The following KDM5A variants were observed in gnomAD, a reference collection of about 807,000 sequenced individuals.
KDM5A encodes the protein lysine-specific demethylase 5A.
In KDM5A, 42 loss-of-function variants were observed where a neutral mutation model predicts 193.5. The ratio of observed to expected loss-of-function variants is 0.22; its 90% confidence interval spans 0.17 to 0.28. KDM5A has a LOEUF of 0.28. Among genes scored for constraint, KDM5A ranks in the 10% least tolerant of loss-of-function variants. The pLI, the probability that KDM5A is intolerant of heterozygous loss-of-function variation, is 1.00. For synonymous variants in KDM5A, 796 were observed against 718.1 expected, an observed-to-expected ratio of 1.11 and a Z score of -1.73; for missense variants, 1,692 against 2,055.1, an observed-to-expected ratio of 0.82 and a Z score of 3.42.
intron 24 of KDM5A, among the ~76,000 whole-genome samples, chr12:297,470 C>G (rs139559074): frequency 4.6e-4 from 70 of 152,258 alleles, no homozygotes; most frequent in African/African-American, 1.5e-3. Flanking sequence ...CAGTAAATAA[C>G]TGGAGAAACT....
chr12:293,238 T>C (rs747527850), intron 26 of KDM5A, 69 bp from the exon 27 acceptor site: 8 of 1,326,060 alleles, frequency 6.0e-6, no homozygotes, highest in South Asian at 4.9e-5. Flanking sequence ...CTCTCTTATA[T>C]GAGGTACCTA....
intron 18 of KDM5A, 60 bp from the exon 19 acceptor site, chr12:318,521 T>A: frequency 7.8e-7 from 1 of 1,285,850 alleles, no homozygotes; most frequent in South Asian, 1.2e-5. Flanking sequence ...CAAAAGAGTA[T>A]GAAATAGACA....
Position 323,825 on chromosome 12 carries a change from T to C in KDM5A, c.1969-44A>G, listed in dbSNP as rs545569915. ...CACTAGATCAAGTCTTTCTAGTCTT[T>C]AAAGCATCAAAAAACTTAAGTTACT... On this transcript the variant is annotated intron_variant, in intron 14 of 27. Coordinates refer to ENST00000399788, the MANE Select transcript of KDM5A (RefSeq NM_001042603.3). 6 of 1,530,644 alleles carry C rather than the reference T, an allele frequency of 3.9e-6. No individual in the cohort carries two copies. In the South Asian group the frequency reaches 5.6e-5, roughly 14 times the overall value. The allele number at this position is 1,530,644 out of a possible 1,614,324, so 94.8% of individuals were successfully genotyped here.
intron 10 of KDM5A, among the ~76,000 whole-genome samples, chr12:336,365 A>C (rs1341520240): frequency 1.3e-5 from 2 of 151,850 alleles, no homozygotes; most frequent in Non-Finnish European, 2.9e-5. Context: ...CACTAAAAAA[A>C]AAAAAAAAAA....
chr12:298,664 C>T (rs374233324), intron 24 of KDM5A, among the ~76,000 whole-genome samples: 1 of 152,046 alleles, frequency 6.6e-6, no homozygotes, highest in Non-Finnish European at 1.5e-5. Context: ...CAAATCTCCT[C>T]GCCAGCAAAG....
intron 27 of KDM5A, among the ~76,000 whole-genome samples, chr12:291,931 T>A (rs996275437): frequency 6.6e-5 from 10 of 151,468 alleles, no homozygotes; most frequent in African/African-American, 2.4e-4. Context: ...AGACAGAGTT[T>A]TGCTCTTGTG....
intron 13 of KDM5A, 100 bp from the exon 14 acceptor site, chr12:329,129 C>T: frequency 1.1e-6 from 1 of 932,462 alleles, no homozygotes; most frequent in Non-Finnish European, 1.7e-6. Context: ...AGAAAGAAGA[C>T]AGAATACCAA....
At chr12:316,859 G>T (rs1240437324) in intron 19 of KDM5A, among the ~76,000 whole-genome samples, 12 of 152,190 alleles carry the variant, frequency 7.9e-5, no homozygotes, top group Admixed American at 7.9e-4. Context: ...TTACCAAAAT[G>T]CATCCAAAGT....
At chr12:366,693 A>C (rs1220491139) in intron 3 of KDM5A, among the ~76,000 whole-genome samples, 4 of 151,754 alleles carry the variant, frequency 2.6e-5, no homozygotes, top group Non-Finnish European at 5.9e-5. Context: ...AGAATATATT[A>C]AGGTAGAAAA....
intron 3 of KDM5A, among the ~76,000 whole-genome samples, chr12:374,615 TATG>T (rs1271523959): frequency 6.6e-6 from 1 of 152,192 alleles, no homozygotes; most frequent in African/African-American, 2.4e-5. Flanking sequence ...ATCCTGTCAT[TATG>T]ATGTTAGCTG....
At chr12:324,733 C>T (rs1943761706) in intron 14 of KDM5A, among the ~76,000 whole-genome samples, 1 of 151,864 alleles carries the variant, frequency 6.6e-6, no homozygotes, top group South Asian at 2.1e-4. Context: ...GTTAGCCGGG[C>T]GTGGTGATGC....
chr12:350,946 G>C (rs1944149920), intron 9 of KDM5A, among the ~76,000 whole-genome samples, 167 bp from the exon 10 acceptor site: 1 of 152,130 alleles, frequency 6.6e-6, no homozygotes, highest in Non-Finnish European at 1.5e-5. Flanking sequence ...TGAGAACAGG[G>C]AAAAGCTGAG....
intron 10 of KDM5A, among the ~76,000 whole-genome samples, chr12:343,267 C>G (rs966891381): frequency 2.0e-5 from 3 of 152,192 alleles, no homozygotes; most frequent in Non-Finnish European, 4.4e-5. Flanking sequence ...GAAAAAGCAC[C>G]CTGGAAGCTC....
At chr12:298,112 G>C (rs554767640) in intron 24 of KDM5A, among the ~76,000 whole-genome samples, 1 of 152,318 alleles carries the variant, frequency 6.6e-6, no homozygotes, top group East Asian at 1.9e-4. Flanking sequence ...GCGGCTGTGG[G>C]CGCAGCTTCA....
At chr12:323,383 A>T (rs1463180456) in intron 15 of KDM5A, among the ~76,000 whole-genome samples, 177 bp from the exon 16 acceptor site, 1 of 152,208 alleles carries the variant, frequency 6.6e-6, no homozygotes, top group East Asian at 1.9e-4. Flanking sequence ...ACACTTCTTA[A>T]TTCAGGGAGA....
At chr12:387,903 TTAA>T (rs889563428) in intron 1 of KDM5A, among the ~76,000 whole-genome samples, 66 of 152,342 alleles carry the variant, frequency 4.3e-4, no homozygotes, top group African/African-American at 1.5e-3. Context: ...TTAACAGTGC[TTAA>T]TATTTTATCA....
chr12:284,365 A>G lies in KDM5A; in HGVS notation c.*1091T>C, dbSNP rs1943192390. ...ATGGATTTACTAAAACAACTTCATC[A>G]CCCAGAGGTACTACAACCCCACATC... is the stretch of plus-strand genomic sequence containing the variant. On this transcript the variant is annotated 3_prime_UTR_variant, in exon 28 of 28. Transcript: ENST00000399788. 8.6e-6 allele frequency: 2 copies of G among 232,368 alleles called. No homozygotes were observed. Among genetic ancestry groups the G allele is most frequent in the Non-Finnish European group, 1.7e-5 (2 of 117,390 alleles). The allele number at this position is 232,368 out of a possible 1,614,324, so 14.4% of individuals were successfully genotyped here.
chr12:329,472 C>T (rs1348265912), intron 13 of KDM5A, among the ~76,000 whole-genome samples: 1 of 146,924 alleles, frequency 6.8e-6, no homozygotes, highest in African/African-American at 2.5e-5. Context: ...ACAAAAAGAA[C>T]AGATGTTATT....
chr12:300,358 T>C (rs1943426890), intron 24 of KDM5A, among the ~76,000 whole-genome samples: 1 of 152,102 alleles, frequency 6.6e-6, no homozygotes, highest in Non-Finnish European at 1.5e-5. Flanking sequence ...GCAATCATAT[T>C]AGAACTCAGG....
Sources: allele counts gnomAD v4.1 joint callset (sites outside exome capture counted in the v4.1 genomes callset), GRCh38; gene constraint gnomAD v4.1.1; transcripts MANE v1.5; gene names NCBI Gene and HGNC (gene_info 2026-07-23, HGNC 2026-07-21).